The following ODR4 variants were observed in gnomAD, a reference collection of about 807,000 sequenced individuals.
ODR4 encodes the protein odr-4 GPCR localization factor homolog, also known as protein odr-4 homolog.
Under a neutral mutation model 60.2 loss-of-function variants are expected in ODR4, and 47 were observed. That is an observed-to-expected ratio of 0.78 (90% CI 0.62 to 1.00). The LOEUF (loss-of-function observed/expected upper bound fraction) is 1.00. Among genes scored for constraint, ODR4 ranks in the 50% least tolerant of loss-of-function variants. The probability of loss-of-function intolerance (pLI) is 0.00; values close to 1 mark genes in which losing one functional copy is unlikely to be tolerated. For synonymous variants in ODR4, 178 were observed against 175.5 expected (o/e 1.01, Z -0.11); for missense variants, 488 against 530.8 (o/e 0.92, Z 0.79).
At chr1:186,411,058 T>A in intron 12 of ODR4, among the ~76,000 whole-genome samples, 1 of 152,104 alleles carries the variant, frequency 6.6e-6, no homozygotes, top group East Asian at 1.9e-4. Context: ...CTTTTTTTAT[T>A]CTTTATTATA....
At chr1:186,378,083 G>A (rs1345292695) in intron 1 of ODR4, among the ~76,000 whole-genome samples, 1 of 151,792 alleles carries the variant, frequency 6.6e-6, no homozygotes, top group Non-Finnish European at 1.5e-5. Context: ...AGAAATTAAT[G>A]TATTTTGAGA....
chr1:186,391,869 C>A, intron 8 of ODR4, 78 bp downstream of exon 8: 5 of 855,006 alleles, frequency 5.8e-6, no homozygotes, highest in Non-Finnish European at 7.4e-6. Flanking sequence ...TTAGTCCTTG[C>A]CTACAAGAAA....
Position 186,417,553 on chromosome 1 carries a change from G to C in ODR4, c.1196G>C (p.Ser399Thr), listed in dbSNP as rs1325941799. Residue 399 changes from serine (S) to threonine (T), a missense_variant, in exon 13 of 14, where the codon AGT (serine) becomes ACT (threonine). Transcript: ENST00000287859. Reference sequence around the variant, plus strand: ...TATTATACCCTTTCAGCTTGTATGAGTTCTTCTATGAATAGTCAAGCTTCA... The same window carrying C: ...TATTATACCCTTTCAGCTTGTATGACTTCTTCTATGAATAGTCAAGCTTCA... ...IAEETNTACM[S>T]SSMNSQASLD... 6.4e-7 allele frequency: 1 copy of C among 1,573,782 alleles called. No homozygotes were observed. The highest frequency in any genetic ancestry group is 2.3e-5 in the East Asian group (1 of 44,202).
chr1:186,423,493 CACCCAGGTTGGAGTGCAG>C (rs1192694091), downstream of ODR4, among the ~76,000 whole-genome samples: 1 of 118,618 alleles, frequency 8.4e-6, no homozygotes, highest in African/African-American at 3.1e-5. Context: ...CTCGCTCTGT[CACCCAGGTTGGAGTGCAG>C]TTGCGTGATC....
intron 12 of ODR4, 24 bp from the exon 13 acceptor site, chr1:186,417,520 T>TTTA: frequency 7.8e-7 from 1 of 1,286,094 alleles, no homozygotes; most frequent in East Asian, 2.5e-5. Context: ...TTATGTGGAA[T>TTTA]TTATTATTAT....
In ODR4 at chr1:186,379,802, T is replaced by C. The variant is rs1659956185; in HGVS notation, c.17T>C (p.Ile6Thr). Residue 6 changes from isoleucine (I) to threonine (T), a missense_variant, in exon 2 of 14, where the codon ATT (isoleucine) becomes ACT (threonine). Ile to Thr is a moderately conservative substitution (Grantham distance 89, BLOSUM62 -1). Transcript: ENST00000287859. ...TTCCTAAAAATGGGAAGAACCTACA[T>C]TGTAGAAGAGACTGTTGGCCAGTAT... MGRTYIVEETVGQYLS... is the reference protein window; with the variant it reads MGRTYTVEETVGQYLS... 2 of 1,598,390 alleles carry C rather than the reference T, an allele frequency of 1.3e-6. No homozygotes were observed. Among genetic ancestry groups the C allele is most frequent in the Non-Finnish European group, 1.7e-6 (2 of 1,175,020 alleles).
At chr1:186,412,152 T>C (rs1276377139) in intron 12 of ODR4, among the ~76,000 whole-genome samples, 1 of 152,180 alleles carries the variant, frequency 6.6e-6, no homozygotes, top group Non-Finnish European at 1.5e-5. Flanking sequence ...AAGCCCACAG[T>C]GCAATGGGAA....
chr1:186,378,406 A>G (rs1316388606), intron 1 of ODR4, among the ~76,000 whole-genome samples: 1 of 152,184 alleles, frequency 6.6e-6, no homozygotes, highest in African/African-American at 2.4e-5. Context: ...TTACATTTTC[A>G]TCCTCACTGA....
chr1:186,425,348 T>A (rs1256575727), downstream of ODR4, among the ~76,000 whole-genome samples: 4 of 152,200 alleles, frequency 2.6e-5, 1 homozygote, highest in East Asian at 7.7e-4. Flanking sequence ...AAATGAGAGG[T>A]ACATAGCAGT....
rs145574882 is a variant in ODR4 at position 186,406,103 on chromosome 1, G to T, written c.1021G>T (p.Val341Phe). The T allele has an allele frequency of 1.9e-6, 3 of 1,568,788 alleles. No individual in the cohort carries two copies. The highest frequency in any genetic ancestry group is 3.8e-5 in the Admixed American group (2 of 53,218). ...EKKDSEKEFH[V>F]LPYRVFVPLP... is the part of the protein sequence containing the mutation. ...TTTAGATTCTGAAAAAGAGTTCCAC[G>T]TCCTCCCTTATCGAGTCTTTGTTCC... is the stretch of plus-strand genomic sequence containing the variant. The change falls in exon 12 of 14, where the codon GTC (valine) becomes TTC (phenylalanine). Residue 341 changes from valine (V) to phenylalanine (F), a missense_variant. Physicochemically the swap from Val to Phe is conservative, Grantham distance 50. Transcript: ENST00000287859.
chr1:186,382,957 T>A (rs1660095944), intron 2 of ODR4, 65 bp from the exon 3 acceptor site: 2 of 1,475,288 alleles, frequency 1.4e-6, no homozygotes, highest in East Asian at 4.9e-5. Flanking sequence ...GGAATTTAGG[T>A]ATCACTCTAA....
chr1:186,400,826 T>C, intron 11 of ODR4: 1 of 390,676 alleles, frequency 2.6e-6, no homozygotes, highest in East Asian at 5.5e-5. Context: ...GGAACATGAA[T>C]TTGAATCTTA....
intron 1 of ODR4, 34 bp from the exon 2 acceptor site, chr1:186,379,733 C>T (rs1659953205): frequency 1.8e-6 from 2 of 1,136,906 alleles, no homozygotes; most frequent in African/African-American, 1.6e-5. Flanking sequence ...TGATATTTTA[C>T]CTAAATGCTG....
chr1:186,376,636 C>G (rs185771874), intron 1 of ODR4, among the ~76,000 whole-genome samples: 8 of 152,122 alleles, frequency 5.3e-5, no homozygotes, highest in Admixed American at 3.3e-4. Context: ...TTTGTAATAA[C>G]TAAGGAAAAA....
chr1:186,378,629 AGC>A (rs1286860659), intron 1 of ODR4, among the ~76,000 whole-genome samples: 1 of 152,200 alleles, frequency 6.6e-6, no homozygotes, highest in African/African-American at 2.4e-5. Flanking sequence ...CCTCATTATG[AGC>A]GTGGTGTTGA....
At position 186,400,022 on chromosome 1, in the gene ODR4, C is replaced by T. The variant is rs1254773234; in HGVS notation, c.1000+978C>T. On this transcript the variant is annotated intron_variant, in intron 11 of 13. Coordinates refer to ENST00000287859, the MANE Select transcript of ODR4 (RefSeq NM_017847.6). ...TTTTTTTTTTTTTGAGACGGAGTTT[C>T]GCTCTGTCGCCCAGGCTGGAGTGCA... Among the ~76,000 whole-genome samples the T allele has an allele frequency of 6.0e-4, 60 of 100,376 alleles. 1 individual carries two copies. The highest frequency in any genetic ancestry group is 2.6e-3 in the South Asian group (8 of 3,052). 65.9% of individuals were successfully genotyped at this position (100,376 alleles called of 152,430 possible).
Position 186,421,215 on chromosome 1 carries a change from T to TG in ODR4, c.*2140dup, listed in dbSNP as rs1245845696. 1 of 152,160 alleles carries TG rather than the reference T, an allele frequency of 6.6e-6. No individual in the cohort carries two copies. The highest frequency in any genetic ancestry group is 1.9e-4 in the East Asian group (1 of 5,194). 9.4% of individuals were successfully genotyped at this position (152,160 alleles called of 1,614,324 possible). ...AAAGGATGATCTTCAAGAAGGGAAA[T>TG]GATTCTAAAAGGATTATCTGAAATT... On this transcript the variant is annotated 3_prime_UTR_variant, in exon 14 of 14. Transcript: ENST00000287859.
In ODR4 at chr1:186,419,948, T is replaced by C. The variant is rs1056415003; in HGVS notation, c.*872T>C. The C allele has an allele frequency of 1.3e-5, 2 of 152,096 alleles. No individual in the cohort carries two copies. The highest frequency in any genetic ancestry group is 2.9e-5 in the Non-Finnish European group (2 of 68,000). 9.4% of individuals were successfully genotyped at this position (152,096 alleles called of 1,614,324 possible). A position where few individuals can be genotyped will look rare whatever the true frequency, so the allele number is the denominator to read the frequency against. ...GAAGTCCCATTAGTAAGAAATGACA[T>C]AAAATACGTGCTTTCTCAGGTTACT... On this transcript the variant is annotated 3_prime_UTR_variant, in exon 14 of 14. Coordinates refer to ENST00000287859, the MANE Select transcript of ODR4 (RefSeq NM_017847.6).
At chr1:186,428,088 G>C in the ODR4 span, among the ~76,000 whole-genome samples, 1 of 152,158 alleles carries the variant, frequency 6.6e-6, no homozygotes, top group East Asian at 1.9e-4. Context: ...GTCACCAGGT[G>C]CATTGGCCCC....
Sources: gnomAD v4.1 joint callset for allele counts (sites outside exome capture counted in the v4.1 genomes callset) on GRCh38, gnomAD v4.1.1 for gene constraint, MANE v1.5 for transcripts, NCBI Gene and HGNC (gene_info 2026-07-23, HGNC 2026-07-21) for gene names.